KAZN: variants seen among roughly 807,000 people sequenced by gnomAD.
KAZN encodes the protein kazrin.
A neutral mutation model predicts 87.4 loss-of-function variants in KAZN; 40 were observed. The observed-to-expected ratio is 0.46, with a 90% CI of 0.36 to 0.60. The LOEUF is 0.60. KAZN is among the 20% of genes least tolerant of loss of function. The pLI, the probability that KAZN is intolerant of heterozygous loss-of-function variation, is 0.00. For synonymous variants in KAZN, 466 were observed against 458.3 expected, an observed-to-expected ratio of 1.02 and a Z score of -0.22; for missense variants, 898 against 1,073.9, an observed-to-expected ratio of 0.84 and a Z score of 2.29.
At chr1:13,975,649 GCCATACATTTCC>G (rs1638316849) in intron 1 of KAZN, among the ~76,000 whole-genome samples, 1 of 152,188 alleles carries the variant, frequency 6.6e-6, no homozygotes, top group Non-Finnish European at 1.5e-5. Context: ...GGATGAATGA[GCCATACATTTCC>G]TTAAACAAAA....
At chr1:13,893,369 C>A (rs2206287) in exon 1 of KAZN, 221,803 of 260,238 alleles carry the variant, frequency 0.85, 95,178 homozygotes, top group African/African-American at 0.97. Context: ...GTCAAGAAGC[C>A]ACGACTCCTG....
intron 10 of KAZN, among the ~76,000 whole-genome samples, chr1:15,100,894 C>T (rs912524638): frequency 6.6e-6 from 1 of 152,090 alleles, no homozygotes; most frequent in African/African-American, 2.4e-5. Context: ...GAAAACAGAC[C>T]GCAGAGCACT....
At chr1:13,951,927 G>A (rs748189807) in intron 1 of KAZN, among the ~76,000 whole-genome samples, 7 of 152,158 alleles carry the variant, frequency 4.6e-5, no homozygotes, top group Non-Finnish European at 8.8e-5. Flanking sequence ...TGCCCTAGCT[G>A]TGCTATTTAT....
At chr1:14,305,724 C>T (rs1043181891) in intron 2 of KAZN, among the ~76,000 whole-genome samples, 8 of 151,176 alleles carry the variant, frequency 5.3e-5, no homozygotes, top group African/African-American at 1.7e-4. Flanking sequence ...GGCAGGGTAT[C>T]GCTAAGAACC....
intron 1 of KAZN, among the ~76,000 whole-genome samples, chr1:14,766,943 C>G (rs1644900642): frequency 6.6e-6 from 1 of 151,848 alleles, no homozygotes; most frequent in African/African-American, 2.4e-5. Context: ...TATATGTGGT[C>G]TAGGGGAAAA....
intron 1 of KAZN, among the ~76,000 whole-genome samples, chr1:14,796,338 C>CCCAT (rs1397591384): frequency 6.6e-6 from 1 of 152,202 alleles, no homozygotes; most frequent in African/African-American, 2.4e-5. Context: ...AAACTCAAGG[C>CCCAT]CCATGTCTTA....
intron 2 of KAZN, among the ~76,000 whole-genome samples, chr1:15,020,886 G>A (rs1278686056): frequency 6.6e-6 from 1 of 152,196 alleles, no homozygotes; most frequent in African/African-American, 2.4e-5. Flanking sequence ...AGAGCTGGAT[G>A]TGAACCCAGA....
At chr1:14,920,727 G>T (rs138944749) in intron 1 of KAZN, among the ~76,000 whole-genome samples, 2 of 152,262 alleles carry the variant, frequency 1.3e-5, no homozygotes, top group East Asian at 1.9e-4. Context: ...TTCTGAGCAC[G>T]GGGCCCAGTG....
intron 1 of KAZN, among the ~76,000 whole-genome samples, chr1:14,087,428 T>C (rs1404086832): frequency 1.3e-5 from 2 of 152,154 alleles, no homozygotes. Flanking sequence ...ATTATTTCTT[T>C]TTAACTTCTT....
chr1:14,491,708 TA>T (rs200965290), intron 2 of KAZN, among the ~76,000 whole-genome samples: 1,623 of 152,308 alleles, frequency 0.011, 12 homozygotes, highest in Non-Finnish European at 0.017. Flanking sequence ...GCATGTTATC[TA>T]ATACATTGTC....
In KAZN at chr1:13,977,386, G is replaced by A. The variant is rs141583694; in HGVS notation, c.91+83630G>A. 1.7e-4 allele frequency among the ~76,000 whole-genome samples: 26 copies of A among 152,286 alleles called. No homozygotes were observed. In the East Asian group the frequency reaches 4.8e-3, roughly 28 times the overall value. On this transcript the variant is annotated intron_variant, in intron 1 of 16. Coordinates refer to the KAZN transcript ENST00000636203. Reference sequence around the variant, plus strand: ...TACTTATTGCATAGGATTGTTTTGAGCTTTCAGTGGAGTAATGTAGGACTT... The same window carrying A: ...TACTTATTGCATAGGATTGTTTTGAACTTTCAGTGGAGTAATGTAGGACTT...
At chr1:13,979,206 C>T (rs1223976874) in intron 1 of KAZN, among the ~76,000 whole-genome samples, 2 of 151,654 alleles carry the variant, frequency 1.3e-5, no homozygotes, top group Non-Finnish European at 2.9e-5. Context: ...CAGGGGGAAA[C>T]CCGTCCCCCA....
At chr1:14,912,346 C>T (rs1415868854) in intron 1 of KAZN, among the ~76,000 whole-genome samples, 1 of 152,048 alleles carries the variant, frequency 6.6e-6, no homozygotes, top group Admixed American at 6.6e-5. Context: ...ACTAATTGTG[C>T]CTGGAGCAGC....
intron 2 of KAZN, among the ~76,000 whole-genome samples, chr1:14,578,873 C>A (rs1315658464): frequency 6.6e-6 from 1 of 152,108 alleles, no homozygotes; most frequent in Non-Finnish European, 1.5e-5. Flanking sequence ...TTACAATAAC[C>A]TTTGGAGATA....
chr1:14,351,812 C>T (rs1267447293), intron 2 of KAZN, among the ~76,000 whole-genome samples: 1 of 152,190 alleles, frequency 6.6e-6, no homozygotes, highest in Non-Finnish European at 1.5e-5. Context: ...GATCTGTGTA[C>T]ATCTTGTAAG....
At chr1:14,387,459 C>A (rs1662024896) in intron 2 of KAZN, among the ~76,000 whole-genome samples, 1 of 151,804 alleles carries the variant, frequency 6.6e-6, no homozygotes, top group South Asian at 2.1e-4. Context: ...TACTTTTGGT[C>A]TTTGATGATG....
chr1:14,601,982 T>C (rs1677016821), intron 1 of KAZN, among the ~76,000 whole-genome samples: 1 of 152,236 alleles, frequency 6.6e-6, no homozygotes, highest in Admixed American at 6.5e-5. Context: ...GACTGTTAGA[T>C]TCATTTTCAA....
Position 14,011,747 on chromosome 1 carries a change from C to T in KAZN, c.91+117991C>T, listed in dbSNP as rs532613642. ...AGTATTTCATTTCTGATGTAATCAGCGATAAGGAACTTACTTCATAGAATT... is the reference window on the plus strand; with the variant it reads ...AGTATTTCATTTCTGATGTAATCAGTGATAAGGAACTTACTTCATAGAATT... On this transcript the variant is annotated intron_variant, in intron 1 of 16. Coordinates refer to the KAZN transcript ENST00000636203. Among the ~76,000 whole-genome samples the T allele has an allele frequency of 2.0e-5, 3 of 152,170 alleles. 1 individual carries two copies. The highest frequency in any genetic ancestry group is 6.8e-3 in the Middle Eastern group (2 of 294).
chr1:14,827,638 A>G lies in KAZN; in HGVS notation c.227-133046A>G, dbSNP rs544296924. 1.3e-4 allele frequency among the ~76,000 whole-genome samples: 20 copies of G among 152,306 alleles called. No homozygotes were observed. The South Asian group carries it at 4.1e-3, about 32-fold the overall frequency. On this transcript the variant is annotated intron_variant, in intron 1 of 14. Transcript: ENST00000376030. ...TTGGGAAAGAGGGAGTGGGTCCCAG[A>G]GAGGAGCCCTCGAAGCAGGCCCCAG... is the stretch of plus-strand genomic sequence containing the variant.
Sources: gnomAD v4.1 joint callset for allele counts (sites outside exome capture counted in the v4.1 genomes callset) on GRCh38, gnomAD v4.1.1 for gene constraint, MANE v1.5 for transcripts, NCBI Gene and HGNC (gene_info 2026-07-23, HGNC 2026-07-21) for gene names.